Variants in CLIP4 observed in about 807,000 individuals in gnomAD.
CLIP4 encodes CAP-Gly domain containing linker protein family member 4.
Under a neutral mutation model 73.1 loss-of-function variants are expected in CLIP4, and 47 were observed. The ratio of observed to expected loss-of-function variants is 0.64; its 90% confidence interval spans 0.51 to 0.82. The LOEUF is 0.82. Ranked by LOEUF, CLIP4 falls within the 40% of genes least tolerant of loss-of-function variation. The pLI is 0.00. For synonymous variants in CLIP4, 306 were observed against 295.4 expected (o/e 1.04, Z -0.37); for missense variants, 874 against 852.9 (o/e 1.02, Z -0.31).
chr2:29,150,379 T>A (rs2148017865), intron 8 of CLIP4, among the ~76,000 whole-genome samples: 1 of 152,318 alleles, frequency 6.6e-6, no homozygotes, highest in East Asian at 1.9e-4. Flanking sequence ...CAGTGACTGT[T>A]TCCTGATCTA....
At chr2:29,124,221 A>T (rs796385015) in intron 2 of CLIP4, among the ~76,000 whole-genome samples, 9 of 152,198 alleles carry the variant, frequency 5.9e-5, no homozygotes, top group African/African-American at 1.7e-4. Context: ...ATGTCTGAAA[A>T]CATCTTTATT....
chr2:29,180,840 A>ATGTG (rs72495863), intron 15 of CLIP4, among the ~76,000 whole-genome samples: 192 of 150,366 alleles, frequency 1.3e-3, no homozygotes, highest in African/African-American at 4.0e-3. Flanking sequence ...ATATATATGT[A>ATGTG]TGTGTGTGTG....
intron 13 of CLIP4, among the ~76,000 whole-genome samples, chr2:29,166,120 C>T (rs895163851): frequency 2.6e-5 from 4 of 152,074 alleles, no homozygotes; most frequent in Middle Eastern, 3.4e-3. Context: ...ATTCTATAAG[C>T]GAATAAAACA....
At chr2:29,143,081 A>G (rs1285547217) in intron 6 of CLIP4, among the ~76,000 whole-genome samples, 2 of 152,230 alleles carry the variant, frequency 1.3e-5, no homozygotes, top group East Asian at 3.8e-4. Flanking sequence ...ATGAATGGGC[A>G]GGGGGCTGAG....
chr2:29,181,944 G>T lies in CLIP4; in HGVS notation c.*51G>T, dbSNP rs1325158235. The stretch of plus-strand genomic sequence containing the variant: ...AATATATATATTTGGTGTAAATAAA[G>T]AGTCCATGGTAAATGGTTTACTTTA... On this transcript the variant is annotated 3_prime_UTR_variant, in exon 16 of 16. Coordinates refer to ENST00000320081, the MANE Select transcript of CLIP4 (RefSeq NM_024692.6). 1 of 1,440,490 alleles carries T rather than the reference G, an allele frequency of 6.9e-7. No individual in the cohort carries two copies. Among genetic ancestry groups the T allele is most frequent in the African/African-American group, 1.4e-5 (1 of 69,838 alleles). 89.2% of individuals were successfully genotyped at this position (1,440,490 alleles called of 1,614,324 possible). A position where few individuals can be genotyped will look rare whatever the true frequency, so the allele number is the denominator to read the frequency against.
In CLIP4 at chr2:29,181,680, T is replaced by C. The variant is rs1668653908; in HGVS notation, c.1905T>C (p.Asn635=). The C allele has an allele frequency of 1.2e-6, 2 of 1,614,010 alleles. No individual in the cohort carries two copies. Among genetic ancestry groups the C allele is most frequent in the South Asian group, 1.1e-5 (1 of 91,074 alleles). Residue 635 remains asparagine, a synonymous_variant, in exon 16 of 16, where the codon AAT becomes AAC. Coordinates refer to ENST00000320081, the MANE Select transcript of CLIP4 (RefSeq NM_024692.6). The part of the protein sequence containing the change: ...EGSQVLLTSS[N]EMGTVRYVGP... Reference sequence around the variant, plus strand: ...CTCAGGTCCTGCTCACGAGCTCCAATGAGATGGGTACTGTTAGGTATGTGG... The same window carrying C: ...CTCAGGTCCTGCTCACGAGCTCCAACGAGATGGGTACTGTTAGGTATGTGG...
At chr2:29,120,064 A>G (rs760258779) in intron 1 of CLIP4, among the ~76,000 whole-genome samples, 3 of 152,156 alleles carry the variant, frequency 2.0e-5, no homozygotes, top group Non-Finnish European at 4.4e-5. Context: ...GAGGAAGATC[A>G]CCGCTGCTCT....
Position 29,163,847 on chromosome 2 carries a change from A to T in CLIP4, c.1551A>T (p.Ile517=). ...TNFAPGYWYG[I]ELEKPHGKND... is the part of the protein sequence containing the mutation. Reference sequence around the variant, plus strand: ...ATGTTCTAGGATATTGGTATGGTATAGAGCTTGAAAAACCCCATGGCAAGA... The same window carrying T: ...ATGTTCTAGGATATTGGTATGGTATTGAGCTTGAAAAACCCCATGGCAAGA... The change falls in exon 13 of 16, where the codon ATA becomes ATT. Residue 517 remains isoleucine (I), a synonymous_variant. Transcript: ENST00000320081. The T allele has an allele frequency of 6.2e-7, 1 of 1,613,610 alleles. No homozygotes were observed. Among genetic ancestry groups the T allele is most frequent in the Non-Finnish European group, 8.5e-7 (1 of 1,179,612 alleles).
Position 29,143,755 on chromosome 2 carries a change from A to T in CLIP4, c.695A>T (p.Asp232Val), listed in dbSNP as rs1243781681. 1 of 1,614,094 alleles carries T rather than the reference A, an allele frequency of 6.2e-7. No individual in the cohort carries two copies. The highest frequency in any genetic ancestry group is 1.7e-5 in the Admixed American group (1 of 60,016). Residue 232 changes from aspartate to valine, a missense_variant, in exon 7 of 16, where the codon GAT becomes GTT. Asp to Val is a radical substitution (Grantham distance 152). Transcript: ENST00000320081. ...IPADVVPDPV[D>V]MPLEMADAAA... ...GCTGATGTTGTTCCAGACCCAGTAG[A>T]TATGCCGTTAGAGATGGCTGACGCC...
upstream of CLIP4, chr2:29,115,391 G>A (rs1203425546): frequency 6.6e-6 from 1 of 151,432 alleles, no homozygotes; most frequent in Non-Finnish European, 1.5e-5. This position sits in a 1 kb window ranked among gnomAD's most constrained non-coding sequence, Gnocchi z 5.1. Context: ...AGGCGAGCCA[G>A]CGCAGGCGCG....
chr2:29,159,720 G>A (rs1412882528), intron 11 of CLIP4, among the ~76,000 whole-genome samples: 1 of 141,218 alleles, frequency 7.1e-6, no homozygotes, highest in Admixed American at 7.1e-5. Context: ...CAAATCACAT[G>A]ACTTTTTATA....
chr2:29,164,487 C>T (rs1330265607), intron 13 of CLIP4, among the ~76,000 whole-genome samples: 1 of 152,136 alleles, frequency 6.6e-6, no homozygotes, highest in Non-Finnish European at 1.5e-5. Flanking sequence ...AAGATAGTAT[C>T]TTTCATACCA....
Position 29,156,421 on chromosome 2 carries a change from T to C in CLIP4, c.1233T>C (p.Leu411=), listed in dbSNP as rs761309025. The change falls in exon 10 of 16, where the codon CTT becomes CTC. Residue 411 remains leucine, a synonymous_variant. Coordinates refer to ENST00000320081, the MANE Select transcript of CLIP4 (RefSeq NM_024692.6). ...STLSLPPGEE[L]KTVTEKDVAL... is the part of the protein sequence containing the mutation. ...TTTCATTGCCTCCTGGTGAAGAACT[T>C]AAAACTGTGACAGAGAAAGATGGTA... 5 of 1,579,720 alleles carry C rather than the reference T, an allele frequency of 3.2e-6. No homozygotes were observed. In the African/African-American group the frequency reaches 4.1e-5, roughly 13 times the overall value.
chr2:29,171,536 T>G (rs78496398), intron 14 of CLIP4, among the ~76,000 whole-genome samples: 1 of 145,932 alleles, frequency 6.9e-6, no homozygotes, highest in Non-Finnish European at 1.5e-5. Flanking sequence ...TTTTTTTTTT[T>G]GAGACGGAGT....
intron 6 of CLIP4, among the ~76,000 whole-genome samples, chr2:29,143,387 A>G (rs1447567285): frequency 8.3e-6 from 1 of 120,470 alleles, no homozygotes; most frequent in Non-Finnish European, 1.7e-5. Context: ...CACATTTCCT[A>G]TTCCCCTTCC....
intron 1 of CLIP4, chr2:29,118,058 A>C (rs895588763): frequency 7.2e-5 from 11 of 152,246 alleles, no homozygotes; most frequent in Non-Finnish European, 1.6e-4. Context: ...TATGCTTTAA[A>C]TACTTACGTG....
At position 29,181,618 on chromosome 2, in the gene CLIP4, G is replaced by A; in HGVS notation, c.1843G>A (p.Gly615Ser). The A allele has an allele frequency of 6.2e-7, 1 of 1,613,526 alleles. No homozygotes were observed. The highest frequency in any genetic ancestry group is 1.1e-5 in the South Asian group (1 of 91,062). ...CAGTTGGAGCAGCACCCCCACCGCA[G>A]GTGGCATTGAAGGGAGCGTGAAGCT... ...RRSWSSTPTA[G>S]GIEGSVKLHE... Residue 615 changes from glycine to serine, a missense_variant, in exon 16 of 16, where the codon GGT becomes AGT. Physicochemically the swap from Gly to Ser is moderately conservative, Grantham distance 56. Transcript: ENST00000320081.
At chr2:29,159,849 A>G (rs1213066275) in intron 11 of CLIP4, among the ~76,000 whole-genome samples, 1 of 152,274 alleles carries the variant, frequency 6.6e-6, no homozygotes, top group African/African-American at 2.4e-5. Context: ...TTTTGTAAAT[A>G]AAGTTCTTTG....
chr2:29,124,658 T>C (rs1558520246), intron 2 of CLIP4, among the ~76,000 whole-genome samples: 1 of 152,204 alleles, frequency 6.6e-6, no homozygotes, highest in Non-Finnish European at 1.5e-5. Flanking sequence ...TTGGATAGTT[T>C]ATATTACTGC....
Sources: gnomAD v4.1 joint callset for allele counts (sites outside exome capture counted in the v4.1 genomes callset) on GRCh38, gnomAD v4.1.1 for gene constraint, Gnocchi (gnomAD v3.1) non-coding constraint, MANE v1.5 for transcripts, NCBI Gene and HGNC (gene_info 2026-07-23, HGNC 2026-07-21) for gene names.